The following LCP2 variants were observed in gnomAD, a reference collection of about 807,000 sequenced individuals.
The protein encoded by LCP2 is 76 kDa tyrosine phosphoprotein.
Under a neutral mutation model 74.5 loss-of-function variants are expected in LCP2, and 29 were observed. The ratio of observed to expected loss-of-function variants is 0.39; its 90% CI spans 0.29 to 0.53. The LOEUF is 0.53. LCP2 is among the 20% of genes least tolerant of loss of function. LCP2 has a pLI of 0.72. For missense variants in LCP2, 604 were observed against 634.6 expected (o/e 0.95, Z 0.52); for synonymous variants, 228 against 229.5 (o/e 0.99, Z 0.06).
At chr5:170,267,774 G>C (rs1312165080) in intron 8 of LCP2, among the ~76,000 whole-genome samples, 1 of 152,154 alleles carries the variant, frequency 6.6e-6, no homozygotes, top group South Asian at 2.1e-4. Context: ...CATAGTAGCT[G>C]CTCAGACAAT....
chr5:170,263,890 AT>A (rs556603797), intron 10 of LCP2, among the ~76,000 whole-genome samples: 39 of 152,352 alleles, frequency 2.6e-4, no homozygotes, highest in Middle Eastern at 6.8e-3. Context: ...TGCATGCAGG[AT>A]CAGGCACTTG....
chr5:170,297,438 C>T, intron 1 of LCP2, 96 bp downstream of exon 1: 1 of 1,088,866 alleles, frequency 9.2e-7, no homozygotes, highest in South Asian at 1.5e-5. Context: ...CTATCTTATA[C>T]ACCTCCCACA....
At chr5:170,250,278 A>G (rs1761405793) in intron 20 of LCP2, among the ~76,000 whole-genome samples, 1 of 152,236 alleles carries the variant, frequency 6.6e-6, no homozygotes, top group Admixed American at 6.5e-5. Flanking sequence ...CGATCTGGCC[A>G]TCCTCACAGA....
chr5:170,260,351 G>A (rs955752127), intron 14 of LCP2, among the ~76,000 whole-genome samples: 2 of 152,216 alleles, frequency 1.3e-5, no homozygotes, highest in Non-Finnish European at 2.9e-5. Flanking sequence ...GCGCTTTTGG[G>A]CTGAGCCCTT....
rs938338863 is a variant in LCP2 at position 170,297,749 on chromosome 5, C to T, written c.-138G>A. On this transcript the variant is annotated 5_prime_UTR_variant, in exon 1 of 21. Transcript: ENST00000046794. The stretch of plus-strand genomic sequence containing the variant: ...CCCTGTGGAACACCCCTGTTGGAGC[C>T]GATGTCTTTTCTGGCGTAGCCAGAT... 16 of 608,224 alleles carry T rather than the reference C, an allele frequency of 2.6e-5. No homozygotes were observed. The highest frequency in any genetic ancestry group is 3.3e-5 in the Non-Finnish European group (12 of 359,058). 37.7% of individuals were successfully genotyped at this position (608,224 alleles called of 1,614,324 possible). A position where few individuals can be genotyped will look rare whatever the true frequency, so the allele number is the denominator to read the frequency against.
At chr5:170,249,155 C>G (rs965344379) in intron 20 of LCP2, among the ~76,000 whole-genome samples, 5 of 151,948 alleles carry the variant, frequency 3.3e-5, no homozygotes, top group Non-Finnish European at 7.4e-5. Flanking sequence ...AACCCTGTCT[C>G]TACTAGAAAA....
At chr5:170,262,764 T>C in intron 12 of LCP2, 22 bp from the exon 13 acceptor site, 1 of 1,613,494 alleles carries the variant, frequency 6.2e-7, no homozygotes. Flanking sequence ...AGGAAAAGGA[T>C]GTGTAAGAAA....
chr5:170,273,920 C>CGGGGGGG (rs3833445), intron 6 of LCP2: 56 of 85,986 alleles, frequency 6.5e-4, no homozygotes, highest in African/African-American at 1.8e-3. Flanking sequence ...TTTTTGGAGA[C>CGGGGGGG]GGGGGGGTAG....
chr5:170,277,738 C>A (rs112433159), intron 3 of LCP2, among the ~76,000 whole-genome samples: 1 of 91,852 alleles, frequency 1.1e-5, no homozygotes, highest in African/African-American at 6.0e-5. Flanking sequence ...AGCAAAACTT[C>A]GTCTCAAAAA....
In LCP2 at chr5:170,247,791, G is replaced by C. The variant is rs1761331765; in HGVS notation, c.*906C>G. 6.6e-6 allele frequency: 1 copy of C among 152,192 alleles called. No homozygotes were observed. Among genetic ancestry groups the C allele is most frequent in the Admixed American group, 6.5e-5 (1 of 15,276 alleles). The allele number at this position is 152,192 out of a possible 1,614,324, so 9.4% of individuals were successfully genotyped here. On this transcript the variant is annotated 3_prime_UTR_variant, in exon 21 of 21. Transcript: ENST00000046794. ...CTGATCACATTTAATCTAAAGTGTT[G>C]CTCCCTCGTCTTCCCAGGAAGCCTT...
rs117708375 is a variant in LCP2 at position 170,256,071 on chromosome 5, C to T, written c.1150+455G>A. Among the ~76,000 whole-genome samples, 56 of 152,266 alleles carry T rather than the reference C, an allele frequency of 3.7e-4. 1 individual carries two copies. In the East Asian group the frequency reaches 9.4e-3, roughly 26 times the overall value. ...AAGGCAAACAGGATTCTGAGGATTC[C>T]GTAGGGAAACCGGAGCTGGAGGAAT... On this transcript the variant is annotated intron_variant, in intron 17 of 20. Coordinates refer to ENST00000046794, the MANE Select transcript of LCP2 (RefSeq NM_005565.5). This position sits in a 1 kb window ranked among gnomAD's most constrained non-coding sequence, Gnocchi z 4.5.
chr5:170,263,176 A>G (rs1035142431), intron 10 of LCP2, among the ~76,000 whole-genome samples, 184 bp from the exon 11 acceptor site: 1 of 152,256 alleles, frequency 6.6e-6, no homozygotes, highest in Admixed American at 6.5e-5. Context: ...TTATAAGCTC[A>G]GAGAAATTAA....
At chr5:170,290,968 G>GAAAGA (rs2113214672) in intron 2 of LCP2, among the ~76,000 whole-genome samples, 1 of 25,066 alleles carries the variant, frequency 4.0e-5, no homozygotes, top group East Asian at 5.0e-4. Context: ...AAGAAAGAAA[G>GAAAGA]AAAGAAAGAA....
chr5:170,283,923 G>A (rs574169216), intron 3 of LCP2, among the ~76,000 whole-genome samples: 58 of 152,204 alleles, frequency 3.8e-4, no homozygotes, highest in African/African-American at 1.3e-3. Context: ...GCCTTCCTAC[G>A]AGCGCTTGAA....
Position 170,267,041 on chromosome 5 carries a change from G to C in LCP2, c.656C>G (p.Pro219Arg), listed in dbSNP as rs755273780. ...LPPPQTNHEE[P>R]SRSRNHKTAK... ...CGTTTTGTGGTTTCTGCTTCTGCTG[G>C]GTTCTTCGTGGTTGGTCTGGGGTGG... Residue 219 changes from proline (P) to arginine (R), a missense_variant, in exon 9 of 21, where the codon CCC becomes CGC. By Grantham distance (103) the Pro-to-Arg change is moderately radical (BLOSUM62 -2). Coordinates refer to ENST00000046794, the MANE Select transcript of LCP2 (RefSeq NM_005565.5). 17 of 1,613,848 alleles carry C rather than the reference G, an allele frequency of 1.1e-5. No homozygotes were observed.
intron 3 of LCP2, among the ~76,000 whole-genome samples, chr5:170,279,542 C>T (rs974359480): frequency 6.6e-6 from 1 of 152,180 alleles, no homozygotes; most frequent in Non-Finnish European, 1.5e-5. Flanking sequence ...TTAGCTGTAC[C>T]TGTTGCAAAC....
intron 13 of LCP2, 30 bp from the exon 14 acceptor site, chr5:170,261,167 C>A: frequency 1.3e-6 from 2 of 1,567,822 alleles, no homozygotes; most frequent in Non-Finnish European, 1.8e-6. Context: ...ATAAAAAGAA[C>A]TGAGCATGAA....
chr5:170,285,981 A>G (rs572125691), intron 3 of LCP2, among the ~76,000 whole-genome samples: 1 of 152,326 alleles, frequency 6.6e-6, no homozygotes, highest in South Asian at 2.1e-4. Flanking sequence ...GCAGCAAGCA[A>G]CCATAGGCTT....
chr5:170,269,759 C>T (rs1216485811), intron 7 of LCP2, among the ~76,000 whole-genome samples: 4 of 152,288 alleles, frequency 2.6e-5, no homozygotes, highest in South Asian at 4.1e-4. Flanking sequence ...AGTCCCTTGG[C>T]GAGGGCTGTC....
Sources: allele counts gnomAD v4.1 joint callset (sites outside exome capture counted in the v4.1 genomes callset), GRCh38; gene constraint gnomAD v4.1.1; non-coding constraint Gnocchi (gnomAD v3.1); transcripts MANE v1.5; gene names NCBI Gene and HGNC (gene_info 2026-07-23, HGNC 2026-07-21).